Variants in FREM1 observed in about 807,000 individuals in gnomAD.
FREM1 encodes FRAS1 related extracellular matrix 1.
A neutral mutation model predicts 210.1 loss-of-function variants in FREM1; 220 were observed. The observed-to-expected ratio is 1.05, with a 90% CI of 0.94 to 1.17. The LOEUF is 1.17. FREM1 is among the 50% of genes most tolerant of loss of function. The pLI, the probability that FREM1 is intolerant of heterozygous loss-of-function variation, is 0.00. For missense variants in FREM1, 3,454 were observed against 2,675.5 expected (o/e 1.29, Z -6.42); for synonymous variants, 1,189 against 980.2 (o/e 1.21, Z -3.98).
At position 14,819,216 on chromosome 9, in the gene FREM1, A is replaced by C. The variant is rs754430227; in HGVS notation, c.2546+18T>G. 5.2e-6 allele frequency: 8 copies of C among 1,552,084 alleles called. No homozygotes were observed. Among genetic ancestry groups the C allele is most frequent in the Non-Finnish European group, 7.0e-6 (8 of 1,140,164 alleles). On this transcript the variant is annotated intron_variant, in intron 14 of 36. Coordinates refer to ENST00000380880, the MANE Select transcript of FREM1 (RefSeq NM_001379081.2). ...GAAACTAAAGCATGTAAATAAAAAA[A>C]CCATGAAATGTTCTAACCTAACTTT...
Position 14,797,456 on chromosome 9 carries a change from A to G in FREM1, c.3839+42T>C, listed in dbSNP as rs970683717. The G allele has an allele frequency of 3.9e-6, 6 of 1,538,924 alleles. No homozygotes were observed. In the Admixed American group the frequency reaches 5.6e-5, roughly 14 times the overall value. On this transcript the variant is annotated intron_variant, in intron 21 of 36. Transcript: ENST00000380880. ...TACCTAGTATTGTAGATTTCATAGAATTGTATAGAAATCTGAAAGGGACTC... is the reference window on the plus strand; with the variant it reads ...TACCTAGTATTGTAGATTTCATAGAGTTGTATAGAAATCTGAAAGGGACTC...
Position 14,806,674 on chromosome 9 carries a change from A to G in FREM1, c.3261T>C (p.Ile1087=). Residue 1087 remains isoleucine, a synonymous_variant, in exon 18 of 37, where the codon ATT becomes ATC. Coordinates refer to ENST00000380880, the MANE Select transcript of FREM1 (RefSeq NM_001379081.2). ...LPSVGFEKSN[I]GISIDSFQWK... ...GCTACAGCTTACCTATACTTATGCC[A>G]ATATTGCTTTTTTCAAAACCCACAG... 6.3e-7 allele frequency: 1 copy of G among 1,589,678 alleles called. No individual in the cohort carries two copies. The highest frequency in any genetic ancestry group is 8.6e-7 in the Non-Finnish European group (1 of 1,163,938).
intron 27 of FREM1, among the ~76,000 whole-genome samples, chr9:14,764,739 A>AG: frequency 6.6e-6 from 1 of 152,030 alleles, no homozygotes; most frequent in South Asian, 2.1e-4. Context: ...TATAGTGCCA[A>AG]TGTTGAGACA....
intron 25 of FREM1, among the ~76,000 whole-genome samples, chr9:14,771,433 A>G (rs761782989): frequency 1.3e-5 from 2 of 152,222 alleles, no homozygotes; most frequent in African/African-American, 2.4e-5. Context: ...AGAGCCAGGT[A>G]GCTGAACAGG....
At chr9:14,780,458 C>A (rs1326291390) in intron 24 of FREM1, among the ~76,000 whole-genome samples, 1 of 97,312 alleles carries the variant, frequency 1.0e-5, no homozygotes, top group African/African-American at 3.4e-5. Context: ...AAAGTCCAGC[C>A]GGCATGTCAA....
intron 35 of FREM1, among the ~76,000 whole-genome samples, chr9:14,740,463 A>T (rs8181212): frequency 0.99 from 151,181 of 152,334 alleles, 75,029 homozygotes; most frequent in East Asian, 1. Context: ...CTTTACAGCA[A>T]AAAACATCGA....
chr9:14,876,852 T>C (rs1268652203), intron 1 of FREM1, among the ~76,000 whole-genome samples: 1 of 152,188 alleles, frequency 6.6e-6, no homozygotes, highest in Non-Finnish European at 1.5e-5. Context: ...TTGTTGAACT[T>C]TGACAAGATA....
chr9:14,812,153 C>T (rs1175289989), intron 16 of FREM1, among the ~76,000 whole-genome samples: 1 of 152,164 alleles, frequency 6.6e-6, no homozygotes, highest in East Asian at 1.9e-4. Context: ...GGTCATATTC[C>T]TGTGTACCCC....
intron 36 of FREM1, among the ~76,000 whole-genome samples, chr9:14,738,102 A>G (rs1427273317): frequency 6.6e-6 from 1 of 152,092 alleles, no homozygotes; most frequent in Non-Finnish European, 1.5e-5. Flanking sequence ...TTGAGTCTGG[A>G]GCTTAAGATG....
intron 10 of FREM1, among the ~76,000 whole-genome samples, chr9:14,833,100 T>G (rs1450581161): frequency 6.6e-6 from 1 of 152,172 alleles, no homozygotes. Context: ...CTTCTTGTGC[T>G]AAGTCAGTGC....
intron 1 of FREM1, among the ~76,000 whole-genome samples, chr9:14,902,857 C>A (rs1055766167): frequency 1.3e-5 from 2 of 152,106 alleles, no homozygotes; most frequent in Non-Finnish European, 2.9e-5. Flanking sequence ...ATTTTACTTC[C>A]TTTTGCTGTA....
chr9:14,838,528 C>G (rs987341221), intron 10 of FREM1, among the ~76,000 whole-genome samples: 9 of 151,970 alleles, frequency 5.9e-5, no homozygotes, highest in South Asian at 2.1e-4. Context: ...ATACTTGTTT[C>G]ATTGGCATGC....
Position 14,869,075 on chromosome 9 carries a change from G to T in FREM1, c.-98C>A, listed in dbSNP as rs182835689. The T allele has an allele frequency of 8.7e-5, 68 of 780,146 alleles. No homozygotes were observed. Among genetic ancestry groups the T allele is most frequent in the African/African-American group, 4.0e-4 (23 of 57,372 alleles). 48.3% of individuals were successfully genotyped at this position (780,146 alleles called of 1,614,324 possible). On this transcript the variant is annotated 5_prime_UTR_variant, in exon 2 of 37. Transcript: ENST00000380880. ...CTGGAGGGTCAGCTCATAGTCCAAG[G>T]GGCAGGGTGAGGGGTCCTGACAATG...
At chr9:14,875,227 T>G (rs1471951585) in intron 1 of FREM1, among the ~76,000 whole-genome samples, 1 of 152,228 alleles carries the variant, frequency 6.6e-6, no homozygotes, top group African/African-American at 2.4e-5. Flanking sequence ...CTTGCTAGAT[T>G]GGGGAAGTTT....
intron 19 of FREM1, 118 bp from the exon 20 acceptor site, chr9:14,801,992 A>G: frequency 2.9e-6 from 2 of 688,760 alleles, no homozygotes; most frequent in Non-Finnish European, 4.8e-6. Flanking sequence ...TATGAGATTT[A>G]TATAGGATGA....
intron 8 of FREM1, 44 bp from the exon 9 acceptor site, chr9:14,842,704 C>A (rs1330414423): frequency 1.4e-6 from 2 of 1,389,676 alleles, no homozygotes; most frequent in South Asian, 1.2e-5. Flanking sequence ...CAAGGGAGTG[C>A]AGAAGCAGCA....
At chr9:14,854,990 C>T (rs1452407183) in intron 5 of FREM1, among the ~76,000 whole-genome samples, 3 of 151,872 alleles carry the variant, frequency 2.0e-5, no homozygotes, top group Admixed American at 1.3e-4. Context: ...TCTAATTTTC[C>T]CCAAATAATT....
At chr9:14,862,500 T>G (rs1168542113) in intron 3 of FREM1, among the ~76,000 whole-genome samples, 1 of 152,230 alleles carries the variant, frequency 6.6e-6, no homozygotes, top group Non-Finnish European at 1.5e-5. Context: ...AAATTAATTT[T>G]CACTGGGATA....
chr9:14,886,029 C>T (rs1835743092), intron 1 of FREM1, among the ~76,000 whole-genome samples: 1 of 152,180 alleles, frequency 6.6e-6, no homozygotes, highest in South Asian at 2.1e-4. Flanking sequence ...CCACCTTCTA[C>T]TCTCTACTTC....
Sources: allele counts gnomAD v4.1 joint callset (sites outside exome capture counted in the v4.1 genomes callset), GRCh38; gene constraint gnomAD v4.1.1; transcripts MANE v1.5; gene names NCBI Gene and HGNC (gene_info 2026-07-23, HGNC 2026-07-21).